C14orf132: variants seen among roughly 807,000 people sequenced by gnomAD.
C14orf132 encodes the protein uncharacterized protein C14orf132.
Under a neutral mutation model 5.8 loss-of-function variants are expected in C14orf132, and 6 were observed. The ratio of observed to expected loss-of-function variants is 1.03; its 90% CI spans 0.57 to 2.04. The LOEUF (loss-of-function observed/expected upper bound fraction) is 2.04. Among genes scored for constraint, C14orf132 ranks in the 30% most tolerant of loss-of-function variants. C14orf132 has a pLI of 0.00. For missense variants in C14orf132, 125 were observed against 115.8 expected (o/e 1.08, Z -0.37); for synonymous variants, 51 against 49.8 (o/e 1.02, Z -0.10).
chr14:96,086,472 C>A, intron 1 of C14orf132, 39 bp from the exon 2 acceptor site: 1 of 1,526,764 alleles, frequency 6.5e-7, no homozygotes, highest in South Asian at 1.2e-5. Context: ...TGCCCAAGCC[C>A]CCATGGCCCT....
Position 96,064,538 on chromosome 14 carries a change from G to A in C14orf132, c.28-21973G>A, listed in dbSNP as rs578251742. On this transcript the variant is annotated intron_variant, in intron 1 of 1. Coordinates refer to ENST00000555004, the MANE Select transcript of C14orf132 (RefSeq NM_001252507.3). Reference sequence around the variant, plus strand: ...ATAGCATTTGCAGTGACCTGGATGAGATTGGAGACTCTTATTCTAAGTGAA... The same window carrying A: ...ATAGCATTTGCAGTGACCTGGATGAAATTGGAGACTCTTATTCTAAGTGAA... Among the ~76,000 whole-genome samples, 130 of 152,024 alleles carry A rather than the reference G, an allele frequency of 8.6e-4. 2 individuals carry two copies. The highest frequency in any genetic ancestry group is 2.9e-3 in the African/African-American group (119 of 41,410).
chr14:96,081,028 G>A (rs1013122035), intron 1 of C14orf132, among the ~76,000 whole-genome samples: 2 of 152,166 alleles, frequency 1.3e-5, no homozygotes, highest in African/African-American at 4.8e-5. Flanking sequence ...ATTTCATCAT[G>A]TTTGCCTTGT....
In C14orf132 at chr14:96,068,446, C is replaced by T. The variant is rs77522187; in HGVS notation, c.28-18065C>T. Among the ~76,000 whole-genome samples, 64 of 152,296 alleles carry T rather than the reference C, an allele frequency of 4.2e-4. No individual in the cohort carries two copies. In the East Asian group the frequency reaches 8.9e-3, roughly 21 times the overall value. On this transcript the variant is annotated intron_variant, in intron 1 of 1. Coordinates refer to ENST00000555004, the MANE Select transcript of C14orf132 (RefSeq NM_001252507.3). ...CGGGCACTCACTGCAGATTCGTGGG[C>T]GCTGATTCCAGCCTTCAGCCTCCCT...
At position 96,092,023 on chromosome 14, in the gene C14orf132, C is replaced by T. The variant is rs1364226523; in HGVS notation, c.*5288C>T. On this transcript the variant is annotated 3_prime_UTR_variant, in exon 2 of 2. Coordinates refer to ENST00000555004, the MANE Select transcript of C14orf132 (RefSeq NM_001252507.3). ...CTTCATGACTGAAGACGATCAAAGA[C>T]TCCCTGGAGCGAGAAAACAGTTACT... 7.9e-5 allele frequency: 12 copies of T among 152,204 alleles called. No homozygotes were observed. Among genetic ancestry groups the T allele is most frequent in the Admixed American group, 2.6e-4 (4 of 15,286 alleles). The allele number at this position is 152,204 out of a possible 1,614,324, so 9.4% of individuals were successfully genotyped here.
intron 1 of C14orf132, among the ~76,000 whole-genome samples, chr14:96,064,021 C>T (rs1022668389): frequency 2.6e-5 from 4 of 151,936 alleles, no homozygotes; most frequent in Non-Finnish European, 4.4e-5. Context: ...AACCACAATG[C>T]GATACCACCT....
chr14:96,072,043 G>C (rs1887725970), intron 1 of C14orf132, among the ~76,000 whole-genome samples: 1 of 152,174 alleles, frequency 6.6e-6, no homozygotes, highest in African/African-American at 2.4e-5. Flanking sequence ...GGTCATGCAG[G>C]GCTCAAGAGA....
At chr14:96,079,835 C>T (rs999462210) in intron 1 of C14orf132, among the ~76,000 whole-genome samples, 5 of 152,158 alleles carry the variant, frequency 3.3e-5, no homozygotes, top group Non-Finnish European at 5.9e-5. Flanking sequence ...GTCCCTTGTA[C>T]AAATTCTGAA....
At chr14:96,083,911 A>C (rs1595192752) in intron 1 of C14orf132, among the ~76,000 whole-genome samples, 1 of 152,154 alleles carries the variant, frequency 6.6e-6, no homozygotes, top group African/African-American at 2.4e-5. Context: ...GTTTGGCAGG[A>C]ATGTTAGGAA....
intron 1 of C14orf132, among the ~76,000 whole-genome samples, chr14:96,077,318 C>A (rs545001357): frequency 6.6e-6 from 1 of 152,218 alleles, no homozygotes; most frequent in Non-Finnish European, 1.5e-5. Context: ...TGAGTTGTTG[C>A]CCCCTCCCTC....
intron 1 of C14orf132, among the ~76,000 whole-genome samples, chr14:96,072,477 C>T (rs1224283713): frequency 6.6e-6 from 1 of 152,210 alleles, no homozygotes; most frequent in Non-Finnish European, 1.5e-5. Context: ...CTGCAGTCTC[C>T]TTCCCAGGTG....
intron 1 of C14orf132, among the ~76,000 whole-genome samples, chr14:96,049,906 A>G (rs558116446): frequency 2.0e-5 from 3 of 151,758 alleles, no homozygotes; most frequent in Admixed American, 2.0e-4. Flanking sequence ...TTGATACTAG[A>G]TATTATAGTT....
chr14:96,049,653 T>TACGTATATATATATATAGAGAG lies in C14orf132; in HGVS notation c.27+10127_27+10128insCGTATATATATATATAGAGAGA, dbSNP rs371381526. 3.6e-5 allele frequency among the ~76,000 whole-genome samples: 3 copies of TACGTATATATATATATAGAGAG among 82,282 alleles called. 1 individual carries two copies. The highest frequency in any genetic ancestry group is 7.4e-5 in the Non-Finnish European group (3 of 40,708). 54.0% of individuals were successfully genotyped at this position (82,282 alleles called of 152,430 possible). A position where few individuals can be genotyped will look rare whatever the true frequency, so the allele number is the denominator to read the frequency against. On this transcript the variant is annotated intron_variant, in intron 1 of 1. Coordinates refer to ENST00000555004, the MANE Select transcript of C14orf132 (RefSeq NM_001252507.3). Reference sequence around the variant, plus strand: ...ATACATATATACGTATATATATATATAGAGAGAGAGAGAGAGAGAGTTCTG... The same window carrying TACGTATATATATATATAGAGAG: ...ATACATATATACGTATATATATATATACGTATATATATATATAGAGAGAGAGAGAGAGAGAGAGAGAGTTCTG...
intron 1 of C14orf132, among the ~76,000 whole-genome samples, chr14:96,071,215 G>A (rs568410805): frequency 6.6e-4 from 101 of 152,224 alleles, no homozygotes; most frequent in Non-Finnish European, 1.1e-3. Context: ...GAGCAAAAGA[G>A]GGGAAAGCTC....
Position 96,086,732 on chromosome 14 carries a change from C to T in C14orf132, c.249C>T (p.Phe83=), listed in dbSNP as rs1410066659. 3 of 1,535,878 alleles carry T rather than the reference C, an allele frequency of 2.0e-6. No homozygotes were observed. The highest frequency in any genetic ancestry group is 2.6e-6 in the Non-Finnish European group (3 of 1,146,814). ...VVVGVVYAFT[F] is the part of the protein sequence containing the mutation. ...TGGGCGTGGTGTATGCCTTCACCTT[C>T]TGAGGACGGCACACCCTGCACCACC... The change falls in exon 2 of 2, where the codon TTC becomes TTT. Residue 83 remains phenylalanine (F), a synonymous_variant. Transcript: ENST00000555004.
chr14:96,068,879 C>G (rs772667706), intron 1 of C14orf132, among the ~76,000 whole-genome samples: 9 of 152,120 alleles, frequency 5.9e-5, no homozygotes, highest in Admixed American at 5.9e-4. Flanking sequence ...TCTATGGACC[C>G]AGTAAAGCAG....
At chr14:96,061,257 G>A (rs919606344) in intron 1 of C14orf132, among the ~76,000 whole-genome samples, 1 of 152,164 alleles carries the variant, frequency 6.6e-6, no homozygotes, top group Non-Finnish European at 1.5e-5. Flanking sequence ...GAGGGTGAGG[G>A]ATTAGTTCAC....
chr14:96,042,574 C>G (rs1440694690), intron 1 of C14orf132, among the ~76,000 whole-genome samples: 1 of 152,210 alleles, frequency 6.6e-6, no homozygotes, highest in Non-Finnish European at 1.5e-5. Flanking sequence ...AGACCCAGAA[C>G]ACATAAGCCA....
intron 1 of C14orf132, among the ~76,000 whole-genome samples, chr14:96,043,608 G>A (rs1886753561): frequency 6.6e-6 from 1 of 152,110 alleles, no homozygotes. Context: ...CAGATTCTAG[G>A]GGTGGGAGCC....
chr14:96,052,539 A>G (rs1329317452), intron 1 of C14orf132, among the ~76,000 whole-genome samples: 1 of 152,228 alleles, frequency 6.6e-6, no homozygotes, highest in East Asian at 1.9e-4. Context: ...GAACCAGTAA[A>G]TATTTCATAA....
Sources: allele counts gnomAD v4.1 joint callset (sites outside exome capture counted in the v4.1 genomes callset), GRCh38; gene constraint gnomAD v4.1.1; transcripts MANE v1.5; gene names NCBI Gene and HGNC (gene_info 2026-07-23, HGNC 2026-07-21).